Variants in C14orf132 observed in about 807,000 individuals in gnomAD.
C14orf132 encodes the protein uncharacterized protein C14orf132.
In C14orf132, 6 loss-of-function variants were observed where a neutral mutation model predicts 5.8. The observed-to-expected ratio is 1.03, with a 90% confidence interval of 0.57 to 2.04. C14orf132 has a LOEUF of 2.04. Among genes scored for constraint, C14orf132 ranks in the 30% most tolerant of loss-of-function variants. The probability of loss-of-function intolerance (pLI) is 0.00; values close to 1 mark genes in which losing one functional copy is unlikely to be tolerated. For synonymous variants in C14orf132, 51 were observed against 49.8 expected, an observed-to-expected ratio of 1.02 and a Z score of -0.10; for missense variants, 125 against 115.8, an observed-to-expected ratio of 1.08 and a Z score of -0.37.
chr14:96,090,709 G>T lies in C14orf132; in HGVS notation c.*3974G>T, dbSNP rs373377678. Reference sequence around the variant, plus strand: ...AGGATCTGAGGGAGAAAGGATGGGAGGAGGGGCAGCAGCATTTCGCTGGAA... The same window carrying T: ...AGGATCTGAGGGAGAAAGGATGGGATGAGGGGCAGCAGCATTTCGCTGGAA... On this transcript the variant is annotated 3_prime_UTR_variant, in exon 2 of 2. Transcript: ENST00000555004. 15 of 455,968 alleles carry T rather than the reference G, an allele frequency of 3.3e-5. No homozygotes were observed. The highest frequency in any genetic ancestry group is 2.8e-4 in the African/African-American group (14 of 50,074). 28.2% of individuals were successfully genotyped at this position (455,968 alleles called of 1,614,324 possible). A position where few individuals can be genotyped will look rare whatever the true frequency, so the allele number is the denominator to read the frequency against.
At chr14:96,053,841 T>C (rs1887101982) in intron 1 of C14orf132, among the ~76,000 whole-genome samples, 1 of 152,196 alleles carries the variant, frequency 6.6e-6, no homozygotes, top group Admixed American at 6.5e-5. Context: ...TCATGAGGCC[T>C]TGGGGAGGGA....
intron 1 of C14orf132, among the ~76,000 whole-genome samples, chr14:96,054,272 A>G (rs1429226602): frequency 6.6e-6 from 1 of 152,190 alleles, no homozygotes; most frequent in Non-Finnish European, 1.5e-5. Flanking sequence ...TCCCTGGGCT[A>G]CAGCATGGCC....
chr14:96,081,000 G>C lies in C14orf132; in HGVS notation c.28-5511G>C, dbSNP rs553277094. On this transcript the variant is annotated intron_variant, in intron 1 of 1. Coordinates refer to ENST00000555004, the MANE Select transcript of C14orf132 (RefSeq NM_001252507.3). Reference sequence around the variant, plus strand: ...CAGACACTCGTATACCCACTGACCAGAATAGGCCATTTATAATATTTCATC... The same window carrying C: ...CAGACACTCGTATACCCACTGACCACAATAGGCCATTTATAATATTTCATC... Among the ~76,000 whole-genome samples the C allele has an allele frequency of 4.6e-5, 7 of 152,256 alleles. No individual in the cohort carries two copies. The East Asian group carries it at 9.7e-4, about 21-fold the overall frequency.
At chr14:96,066,649 G>C (rs1396236241) in intron 1 of C14orf132, among the ~76,000 whole-genome samples, 2 of 152,088 alleles carry the variant, frequency 1.3e-5, no homozygotes, top group Admixed American at 6.5e-5. Context: ...GGGATTCAAA[G>C]AGAAGTTAGA....
rs972694470 is a variant in C14orf132, at chr14:96,087,939, G to A, written c.*1204G>A. The stretch of plus-strand genomic sequence containing the variant: ...CTTCATTAGGAAATCTTATTGCACA[G>A]GAACCACCCCCACCCCCACCCCCCA... On this transcript the variant is annotated 3_prime_UTR_variant, in exon 2 of 2. Transcript: ENST00000555004. 6.6e-6 allele frequency: 1 copy of A among 152,060 alleles called. No individual in the cohort carries two copies. The highest frequency in any genetic ancestry group is 2.1e-4 in the South Asian group (1 of 4,808). The allele number at this position is 152,060 out of a possible 1,614,324, so 9.4% of individuals were successfully genotyped here.
chr14:96,078,111 G>A lies in C14orf132; in HGVS notation c.28-8400G>A, dbSNP rs147206162. 2.0e-4 allele frequency among the ~76,000 whole-genome samples: 31 copies of A among 152,336 alleles called. 1 individual carries two copies. The East Asian group carries it at 3.7e-3, about 18-fold the overall frequency. ...TGCTGCAGAGGTCTGCACTGCCAGG[G>A]CACCCTGCAGGCAAAGCAGTGAGAG... is the stretch of plus-strand genomic sequence containing the variant. On this transcript the variant is annotated intron_variant, in intron 1 of 1. Transcript: ENST00000555004.
chr14:96,054,248 A>G (rs1388072475), intron 1 of C14orf132, among the ~76,000 whole-genome samples: 1 of 152,164 alleles, frequency 6.6e-6, no homozygotes, highest in African/African-American at 2.4e-5. Context: ...AGAGACTTCC[A>G]TGGGAGTCAG....
At chr14:96,055,227 C>T (rs1470696647) in intron 1 of C14orf132, among the ~76,000 whole-genome samples, 2 of 152,162 alleles carry the variant, frequency 1.3e-5, no homozygotes, top group Non-Finnish European at 2.9e-5. Context: ...GGGTGGGTTC[C>T]GCGCATGCCA....
chr14:96,058,939 T>A (rs963496896), intron 1 of C14orf132, among the ~76,000 whole-genome samples: 7 of 152,220 alleles, frequency 4.6e-5, no homozygotes, highest in African/African-American at 9.6e-5. Context: ...TGACTGAGCC[T>A]GTTTGCATAT....
intron 1 of C14orf132, among the ~76,000 whole-genome samples, chr14:96,047,735 T>A (rs1038828085): frequency 2.0e-5 from 3 of 152,186 alleles, no homozygotes; most frequent in Non-Finnish European, 4.4e-5. Flanking sequence ...AGAACTTTTT[T>A]AAAGAGATGT....
chr14:96,040,892 G>T (rs1035342116), intron 1 of C14orf132, among the ~76,000 whole-genome samples: 6 of 152,132 alleles, frequency 3.9e-5, no homozygotes, highest in Non-Finnish European at 8.8e-5. Flanking sequence ...GACTGGAGAA[G>T]AACTGTGTCT....
chr14:96,056,879 G>T (rs542107448), intron 1 of C14orf132, among the ~76,000 whole-genome samples: 1 of 152,218 alleles, frequency 6.6e-6, no homozygotes, highest in South Asian at 2.1e-4. Context: ...GTGATGTATG[G>T]CAAAAACACT....
chr14:96,081,404 T>G (rs924568310), intron 1 of C14orf132, among the ~76,000 whole-genome samples: 1 of 152,216 alleles, frequency 6.6e-6, no homozygotes, highest in African/African-American at 2.4e-5. Flanking sequence ...CGAGGCAATG[T>G]TGGCCCTGGG....
intron 1 of C14orf132, among the ~76,000 whole-genome samples, chr14:96,084,676 G>A (rs987045698): frequency 6.6e-6 from 1 of 152,216 alleles, no homozygotes. Flanking sequence ...TGTACCCCAC[G>A]AGGGGTGAAC....
rs1187874203 is a variant in C14orf132 at position 96,088,288 on chromosome 14, C to G, written c.*1553C>G. ...GGAAGCCGCCATGTTAATAGGATTACTAGCCTGGCTCCAGACAGTGCCTGC... is the reference window on the plus strand; with the variant it reads ...GGAAGCCGCCATGTTAATAGGATTAGTAGCCTGGCTCCAGACAGTGCCTGC... On this transcript the variant is annotated 3_prime_UTR_variant, in exon 2 of 2. Transcript: ENST00000555004. The G allele has an allele frequency of 1.3e-5, 2 of 152,222 alleles. No individual in the cohort carries two copies. The highest frequency in any genetic ancestry group is 4.8e-5 in the African/African-American group (2 of 41,460). The allele number at this position is 152,222 out of a possible 1,614,324, so 9.4% of individuals were successfully genotyped here.
chr14:96,081,205 G>A (rs921107115), intron 1 of C14orf132, among the ~76,000 whole-genome samples: 1 of 152,138 alleles, frequency 6.6e-6, no homozygotes, highest in Non-Finnish European at 1.5e-5. Flanking sequence ...ATGCATGCAT[G>A]TTTTTGATTT....
In C14orf132 at chr14:96,061,654, G is replaced by T. The variant is rs150844342; in HGVS notation, c.27+22127G>T. Among the ~76,000 whole-genome samples the T allele has an allele frequency of 9.0e-3, 1,375 of 152,292 alleles. 25 individuals are homozygous for T. The highest frequency in any genetic ancestry group is 0.03 in the African/African-American group (1,234 of 41,528). ...AAATAAACATCTCAGGACAGGTGCA[G>T]TGGCTCACACCTGTAATCTCAGCAC... On this transcript the variant is annotated intron_variant, in intron 1 of 1. Coordinates refer to ENST00000555004, the MANE Select transcript of C14orf132 (RefSeq NM_001252507.3).
Position 96,090,385 on chromosome 14 carries a change from T to C in C14orf132, c.*3650T>C, listed in dbSNP as rs1190358267. 3.4e-5 allele frequency: 10 copies of C among 290,758 alleles called. No individual in the cohort carries two copies. The highest frequency in any genetic ancestry group is 2.2e-4 in the African/African-American group (9 of 41,272). 18.0% of individuals were successfully genotyped at this position (290,758 alleles called of 1,614,324 possible). On this transcript the variant is annotated 3_prime_UTR_variant, in exon 2 of 2. Coordinates refer to ENST00000555004, the MANE Select transcript of C14orf132 (RefSeq NM_001252507.3). ...CAGCCTGGGCAACAGAACGAGACTC[T>C]GTCTCAAAAAAAAAAAAAAAGAAAA...
intron 1 of C14orf132, among the ~76,000 whole-genome samples, chr14:96,047,580 ACACACAATCT>A (rs1272388534): frequency 6.6e-6 from 1 of 152,204 alleles, no homozygotes; most frequent in African/African-American, 2.4e-5. Flanking sequence ...GCTGAGCAAC[ACACACAATCT>A]CACTGAATCC....
Sources: gnomAD v4.1 joint callset for allele counts (sites outside exome capture counted in the v4.1 genomes callset) on GRCh38, gnomAD v4.1.1 for gene constraint, MANE v1.5 for transcripts, NCBI Gene and HGNC (gene_info 2026-07-23, HGNC 2026-07-21) for gene names.